Variants in ZNF892 observed in about 807,000 individuals in gnomAD.
The protein encoded by ZNF892 is zinc finger protein 892.
the ZNF892 span, among the ~76,000 whole-genome samples, chr2:95,217,972 A>T: frequency 1.3e-5 from 2 of 152,332 alleles, no homozygotes; most frequent in South Asian, 4.1e-4. Context: ...ACACATATTC[A>T]TAGACAAATG....
At chr2:95,235,269 G>A in the ZNF892 span, among the ~76,000 whole-genome samples, 1 of 152,134 alleles carries the variant, frequency 6.6e-6, no homozygotes, top group Non-Finnish European at 1.5e-5. Context: ...AGCATCCTTG[G>A]ATGATAGAAT....
At chr2:95,251,687 G>A in the ZNF892 span, among the ~76,000 whole-genome samples, 1 of 152,362 alleles carries the variant, frequency 6.6e-6, no homozygotes, top group East Asian at 1.9e-4. Context: ...GCCACAGGCT[G>A]GCGCCTGATG....
At chr2:95,210,255 A>G in the ZNF892 span, among the ~76,000 whole-genome samples, 1 of 150,258 alleles carries the variant, frequency 6.7e-6, no homozygotes, top group Admixed American at 6.7e-5. Context: ...ATATATGTGT[A>G]TATATATGTG....
chr2:95,246,477 A>C, the ZNF892 span, among the ~76,000 whole-genome samples: 4 of 152,178 alleles, frequency 2.6e-5, no homozygotes, highest in African/African-American at 9.7e-5. Context: ...CTCTCTCACC[A>C]CTTCTATTCA....
At chr2:95,253,508 C>T in the ZNF892 span, among the ~76,000 whole-genome samples, 1 of 152,160 alleles carries the variant, frequency 6.6e-6, no homozygotes, top group Non-Finnish European at 1.5e-5. Flanking sequence ...AGTTTGAAGT[C>T]AGGTCGCGAG....
the ZNF892 span, among the ~76,000 whole-genome samples, chr2:95,247,361 G>T: frequency 2.6e-5 from 4 of 152,246 alleles, no homozygotes; most frequent in South Asian, 8.3e-4. Flanking sequence ...ATTAACTCAA[G>T]ATGGATTAAA....
At chr2:95,243,852 C>G in the ZNF892 span, among the ~76,000 whole-genome samples, 1 of 152,290 alleles carries the variant, frequency 6.6e-6, no homozygotes, top group East Asian at 1.9e-4. Context: ...TACCCAACAG[C>G]TCATTGAGAA....
chr2:95,224,380 C>T, the ZNF892 span, among the ~76,000 whole-genome samples: 1 of 152,064 alleles, frequency 6.6e-6, no homozygotes, highest in South Asian at 2.1e-4. Context: ...TATAAATAAC[C>T]GGAAACTAAG....
the ZNF892 span, among the ~76,000 whole-genome samples, chr2:95,209,070 A>G: frequency 1.4e-4 from 21 of 152,342 alleles, no homozygotes; most frequent in Non-Finnish European, 2.4e-4. Flanking sequence ...AAACACGAAG[A>G]AATAGGTATT....
At chr2:95,233,400 G>A in the ZNF892 span, among the ~76,000 whole-genome samples, 2 of 151,420 alleles carry the variant, frequency 1.3e-5, no homozygotes. Flanking sequence ...TCGGCCGGGC[G>A]CGGTGGCTCA....
At chr2:95,223,403 G>A in the ZNF892 span, among the ~76,000 whole-genome samples, 4 of 151,726 alleles carry the variant, frequency 2.6e-5, no homozygotes, top group Non-Finnish European at 4.4e-5. Flanking sequence ...TTTTTGGGGG[G>A]GAGGAGGTTT....
the ZNF892 span, among the ~76,000 whole-genome samples, chr2:95,232,516 A>G: frequency 6.6e-6 from 1 of 152,142 alleles, no homozygotes; most frequent in African/African-American, 2.4e-5. Flanking sequence ...TTTGGCAAAC[A>G]TTTCCATTAC....
chr2:95,261,699 C>A, the ZNF892 span, among the ~76,000 whole-genome samples: 1 of 152,240 alleles, frequency 6.6e-6, no homozygotes, highest in South Asian at 2.1e-4. Context: ...CTACAGAATC[C>A]TCTACTGTGC....
the ZNF892 span, among the ~76,000 whole-genome samples, chr2:95,257,693 C>T: frequency 1.3e-5 from 2 of 152,194 alleles, no homozygotes; most frequent in Non-Finnish European, 1.5e-5. Context: ...AGGCAGGCCT[C>T]CTTGAGCTGT....
chr2:95,214,803 G>T, the ZNF892 span: 1 of 466,844 alleles, frequency 2.1e-6, no homozygotes, highest in South Asian at 7.3e-5. Context: ...ATGTGGTAAA[G>T]CCTTTAGCCA....
chr2:95,217,865 T>C, the ZNF892 span, among the ~76,000 whole-genome samples: 5 of 152,334 alleles, frequency 3.3e-5, no homozygotes, highest in Middle Eastern at 3.4e-3. Flanking sequence ...CTTTCTGTTC[T>C]GTTGAGACCA....
At chr2:95,226,440 G>A in the ZNF892 span, among the ~76,000 whole-genome samples, 1 of 152,158 alleles carries the variant, frequency 6.6e-6, no homozygotes, top group African/African-American at 2.4e-5. Flanking sequence ...TGGATGTTAA[G>A]TTCTAGGCTG....
the ZNF892 span, among the ~76,000 whole-genome samples, chr2:95,206,970 G>C: frequency 6.6e-6 from 1 of 152,162 alleles, no homozygotes; most frequent in Non-Finnish European, 1.5e-5. Flanking sequence ...AAGACCTCCA[G>C]GCTCCAGCCT....
the ZNF892 span, among the ~76,000 whole-genome samples, chr2:95,207,209 AC>A: frequency 2.0e-5 from 3 of 152,234 alleles, no homozygotes; most frequent in Admixed American, 6.5e-5. Flanking sequence ...CCGATGGAGC[AC>A]CGCAGCCCGG....
Sources: allele counts gnomAD v4.1 joint callset (sites outside exome capture counted in the v4.1 genomes callset), GRCh38; gene constraint gnomAD v4.1.1; transcripts MANE v1.5; gene names NCBI Gene and HGNC (gene_info 2026-07-23, HGNC 2026-07-21).